The following FAF1 variants were observed in gnomAD, a reference collection of about 807,000 sequenced individuals.
The protein encoded by FAF1 is FAS-associated factor 1.
FAF1 carries 25 observed loss-of-function variants against 92.5 expected under a neutral mutation model. The observed-to-expected ratio is 0.27, with a 90% CI of 0.20 to 0.38. The LOEUF is 0.38. Among genes scored for constraint, FAF1 ranks in the 10% least tolerant of loss-of-function variants. FAF1 has a pLI of 1.00. For missense variants in FAF1, 636 were observed against 793.3 expected, an observed-to-expected ratio of 0.80 and a Z score of 2.38; for synonymous variants, 234 against 273.2, an observed-to-expected ratio of 0.86 and a Z score of 1.42.
intron 13 of FAF1, among the ~76,000 whole-genome samples, chr1:50,559,250 CAAA>C (rs545233560): frequency 9.8e-6 from 1 of 102,458 alleles, no homozygotes. Context: ...GACTCCGTCT[CAAA>C]AAAAAAAAAA....
intron 4 of FAF1, among the ~76,000 whole-genome samples, chr1:50,769,175 T>C (rs1311039088): frequency 2.0e-5 from 3 of 152,090 alleles, no homozygotes; most frequent in Non-Finnish European, 4.4e-5. Context: ...AACACCTCTA[T>C]GCACAAACTA....
intron 6 of FAF1, among the ~76,000 whole-genome samples, chr1:50,708,440 G>T (rs1025929024): frequency 6.6e-6 from 1 of 152,086 alleles, no homozygotes; most frequent in African/African-American, 2.4e-5. Flanking sequence ...AGTGGCAGGT[G>T]AGGTGGAGAA....
intron 4 of FAF1, among the ~76,000 whole-genome samples, chr1:50,762,491 G>C (rs1274362999): frequency 3.0e-4 from 46 of 151,710 alleles, no homozygotes; most frequent in African/African-American, 1.1e-3. Flanking sequence ...CCAAAACAGA[G>C]ATATAGATCA....
rs182507270 is a variant in FAF1 at position 50,452,306 on chromosome 1, T to C, written c.1870-10783A>G. ...ACACAGGCAAATTCATAAGTGAAGA[T>C]TCTGTAGTGTGGCAAGATAAACCTA... On this transcript the variant is annotated intron_variant, in intron 18 of 18. Coordinates refer to ENST00000396153, the MANE Select transcript of FAF1 (RefSeq NM_007051.3). 13 of 437,236 alleles carry C rather than the reference T, an allele frequency of 3.0e-5. No homozygotes were observed. The East Asian group carries it at 8.2e-4, about 28-fold the overall frequency. 27.1% of individuals were successfully genotyped at this position (437,236 alleles called of 1,614,324 possible).
intron 13 of FAF1, among the ~76,000 whole-genome samples, chr1:50,552,305 A>G (rs1649348232): frequency 1.3e-5 from 2 of 151,902 alleles, no homozygotes. Context: ...TCCAAAAAAA[A>G]AAAAAAAAAC....
At chr1:50,494,740 C>G (rs1276142594) in intron 15 of FAF1, among the ~76,000 whole-genome samples, 4 of 152,200 alleles carry the variant, frequency 2.6e-5, no homozygotes, top group Non-Finnish European at 5.9e-5. Context: ...TTTCATATGT[C>G]TTCGTATTTC....
chr1:50,478,191 T>C (rs1646660962), intron 17 of FAF1, among the ~76,000 whole-genome samples: 1 of 149,798 alleles, frequency 6.7e-6, no homozygotes, highest in Non-Finnish European at 1.5e-5. Flanking sequence ...TGAGATGGAG[T>C]TTCACTCTGT....
intron 1 of FAF1, among the ~76,000 whole-genome samples, chr1:50,878,212 T>C (rs1194224185): frequency 6.6e-6 from 1 of 152,236 alleles, no homozygotes; most frequent in African/African-American, 2.4e-5. Context: ...TGTCTCCATA[T>C]TTTACTGACT....
At chr1:50,861,991 T>A (rs1403993411) in intron 1 of FAF1, among the ~76,000 whole-genome samples, 1 of 151,864 alleles carries the variant, frequency 6.6e-6, no homozygotes, top group Non-Finnish European at 1.5e-5. Context: ...CTATTGTATT[T>A]TGTTATGATG....
At position 50,705,801 on chromosome 1, in the gene FAF1, G is replaced by T; in HGVS notation, c.642C>A (p.Ser214Arg). ...QREYNLNFSG[S>R]STIQEVKRNV... Reference sequence around the variant, plus strand: ...CATAACTCACCTCTTGAATAGTACTGCTTCCTGAGAAGTTCAGGTTGTACT... The same window carrying T: ...CATAACTCACCTCTTGAATAGTACTTCTTCCTGAGAAGTTCAGGTTGTACT... The change falls in exon 7 of 19, where the codon AGC (serine) becomes AGA (arginine). Residue 214 changes from serine (S) to arginine (R), a missense_variant. Transcript: ENST00000396153. 6.3e-7 allele frequency: 1 copy of T among 1,599,074 alleles called. No individual in the cohort carries two copies. Among genetic ancestry groups the T allele is most frequent in the Non-Finnish European group, 8.6e-7 (1 of 1,166,698 alleles).
chr1:50,918,234 C>T (rs1644935789), intron 1 of FAF1, among the ~76,000 whole-genome samples: 1 of 133,366 alleles, frequency 7.5e-6, no homozygotes, highest in African/African-American at 2.9e-5. Flanking sequence ...GGTACATGTG[C>T]ACATTGTGCA....
intron 4 of FAF1, among the ~76,000 whole-genome samples, chr1:50,764,078 G>A (rs1660465423): frequency 6.6e-6 from 1 of 152,106 alleles, no homozygotes; most frequent in Admixed American, 6.5e-5. Flanking sequence ...AGTTTGCAAT[G>A]CACCTAAGAG....
At chr1:50,617,565 G>A (rs547971092) in intron 8 of FAF1, among the ~76,000 whole-genome samples, 2 of 152,048 alleles carry the variant, frequency 1.3e-5, no homozygotes, top group Non-Finnish European at 2.9e-5. Flanking sequence ...TTTTATTGAG[G>A]AGTTTTGCAT....
chr1:50,909,901 A>C (rs1644870747), intron 1 of FAF1, among the ~76,000 whole-genome samples: 1 of 152,214 alleles, frequency 6.6e-6, no homozygotes, highest in Non-Finnish European at 1.5e-5. Flanking sequence ...GTCATTCTCC[A>C]TCCAGCTTTG....
intron 15 of FAF1, among the ~76,000 whole-genome samples, chr1:50,517,154 A>G (rs539727951): frequency 1.6e-4 from 25 of 152,256 alleles, no homozygotes; most frequent in Non-Finnish European, 3.2e-4. Context: ...TTTTTAAAAG[A>G]AAAATGCTAT....
chr1:50,841,713 G>A (rs1644257771), intron 2 of FAF1, among the ~76,000 whole-genome samples: 1 of 151,888 alleles, frequency 6.6e-6, no homozygotes, highest in African/African-American at 2.4e-5. Flanking sequence ...AACATGGCAA[G>A]AAATGAAGAT....
chr1:50,631,975 A>G (rs1443027537), intron 8 of FAF1, among the ~76,000 whole-genome samples: 2 of 152,222 alleles, frequency 1.3e-5, no homozygotes, highest in African/African-American at 4.8e-5. Context: ...TTTACAAATT[A>G]AACTTTACTA....
intron 15 of FAF1, among the ~76,000 whole-genome samples, chr1:50,531,805 G>A (rs1238543567): frequency 2.6e-5 from 4 of 152,122 alleles, no homozygotes; most frequent in Non-Finnish European, 5.9e-5. Flanking sequence ...GTGATTCAGT[G>A]TATAAATATG....
chr1:50,602,932 G>A (rs570288071), intron 8 of FAF1, among the ~76,000 whole-genome samples: 2 of 152,100 alleles, frequency 1.3e-5, no homozygotes, highest in South Asian at 2.1e-4. Flanking sequence ...TGCTTTACAC[G>A]CACTACCCCA....
Sources: gnomAD v4.1 joint callset for allele counts (sites outside exome capture counted in the v4.1 genomes callset) on GRCh38, gnomAD v4.1.1 for gene constraint, MANE v1.5 for transcripts, NCBI Gene and HGNC (gene_info 2026-07-23, HGNC 2026-07-21) for gene names.